The following ZNF704 variants were observed in gnomAD, a reference collection of about 807,000 sequenced individuals.
ZNF704 encodes glucocorticoid induced gene 1.
Under a neutral mutation model 44.7 loss-of-function variants are expected in ZNF704, and 10 were observed. The ratio of observed to expected loss-of-function variants is 0.22; its 90% CI spans 0.14 to 0.38. ZNF704 has a LOEUF of 0.38. ZNF704 is among the 10% of genes least tolerant of loss of function. The pLI, the probability that ZNF704 is intolerant of heterozygous loss-of-function variation, is 1.00. For synonymous variants in ZNF704, 211 were observed against 207.6 expected, an observed-to-expected ratio of 1.02 and a Z score of -0.14; for missense variants, 390 against 545.5, an observed-to-expected ratio of 0.71 and a Z score of 2.84.
Position 80,773,630 on chromosome 8 carries a change from C to T in ZNF704, c.221+47744G>A, listed in dbSNP as rs149266110. On this transcript the variant is annotated intron_variant, in intron 2 of 8. Coordinates refer to ENST00000327835, the MANE Select transcript of ZNF704 (RefSeq NM_001033723.3). ...GGTAGGTCTGATGGTGACAAATTCT[C>T]TTAGTTTTCCTTCATCTGAGAATGT... 1.5e-4 allele frequency among the ~76,000 whole-genome samples: 23 copies of T among 152,310 alleles called. No individual in the cohort carries two copies. The East Asian group carries it at 4.4e-3, about 29-fold the overall frequency.
intron 1 of ZNF704, among the ~76,000 whole-genome samples, chr8:80,852,646 C>T (rs1420267678): frequency 9.9e-5 from 15 of 152,176 alleles, no homozygotes; most frequent in Non-Finnish European, 2.9e-5. Context: ...CAGTTTCACG[C>T]TTGCTGCTCG....
intron 2 of ZNF704, among the ~76,000 whole-genome samples, chr8:80,787,973 C>T (rs977602173): frequency 2.6e-5 from 4 of 152,094 alleles, no homozygotes; most frequent in East Asian, 1.9e-4. Context: ...ATGATTTAGC[C>T]GGTTCCTACT....
chr8:80,723,604 T>A (rs1338323850), intron 2 of ZNF704, among the ~76,000 whole-genome samples: 1 of 152,238 alleles, frequency 6.6e-6, no homozygotes, highest in African/African-American at 2.4e-5. Flanking sequence ...GAATCAAATC[T>A]CTATGGTATT....
intron 1 of ZNF704, among the ~76,000 whole-genome samples, chr8:80,830,126 C>G (rs1808444761): frequency 6.6e-6 from 1 of 151,978 alleles, no homozygotes; most frequent in Admixed American, 6.6e-5. Flanking sequence ...GAGTAGAAAG[C>G]ATATATAACG....
At chr8:80,727,271 AC>A (rs1360188289) in intron 2 of ZNF704, among the ~76,000 whole-genome samples, 3 of 152,184 alleles carry the variant, frequency 2.0e-5, no homozygotes, top group Non-Finnish European at 2.9e-5. Context: ...GGCCAGACTT[AC>A]GATCGGCTCA....
chr8:80,644,020 CAG>C (rs1817788024), intron 7 of ZNF704, among the ~76,000 whole-genome samples: 1 of 152,288 alleles, frequency 6.6e-6, no homozygotes, highest in Non-Finnish European at 1.5e-5. Flanking sequence ...AGGCAAGAGG[CAG>C]AGAGTCTGAG....
At chr8:80,833,192 G>GA (rs1251272476) in intron 1 of ZNF704, among the ~76,000 whole-genome samples, 2 of 152,082 alleles carry the variant, frequency 1.3e-5, no homozygotes, top group East Asian at 3.9e-4. Flanking sequence ...CTAAAAATAC[G>GA]AAAACAAATT....
chr8:80,860,958 G>A (rs1177928426), intron 1 of ZNF704, among the ~76,000 whole-genome samples: 3 of 150,416 alleles, frequency 2.0e-5, no homozygotes, highest in Admixed American at 2.0e-4. Context: ...GATGGGTGGT[G>A]GGGGGGCAGG....
At chr8:80,809,945 T>G (rs966163370) in intron 2 of ZNF704, among the ~76,000 whole-genome samples, 16 of 152,134 alleles carry the variant, frequency 1.1e-4, no homozygotes, top group Admixed American at 8.5e-4. Context: ...AAGCCAGCAT[T>G]TGTGACACCA....
intron 2 of ZNF704, among the ~76,000 whole-genome samples, chr8:80,712,006 T>G (rs1365557969): frequency 6.6e-6 from 1 of 152,218 alleles, no homozygotes; most frequent in Non-Finnish European, 1.5e-5. Flanking sequence ...CTGCTATGGT[T>G]TGAATTTGCT....
chr8:80,722,354 T>C (rs981678488), intron 2 of ZNF704, among the ~76,000 whole-genome samples: 3 of 152,236 alleles, frequency 2.0e-5, no homozygotes, highest in Admixed American at 6.5e-5. Context: ...GTACCTCAAT[T>C]TCCTCATCTG....
At chr8:80,686,675 G>A (rs1818543874) in intron 4 of ZNF704, among the ~76,000 whole-genome samples, 1 of 152,008 alleles carries the variant, frequency 6.6e-6, no homozygotes, top group Admixed American at 6.6e-5. Flanking sequence ...CTACAGGTGT[G>A]AGCCACTGTG....
intron 7 of ZNF704, among the ~76,000 whole-genome samples, chr8:80,654,857 G>C (rs1032428314): frequency 1.4e-4 from 22 of 152,078 alleles, no homozygotes; most frequent in African/African-American, 3.4e-4. Flanking sequence ...ACCCAAAGGA[G>C]TATAAATCAT....
intron 2 of ZNF704, among the ~76,000 whole-genome samples, chr8:80,784,548 T>G (rs919739071): frequency 2.0e-5 from 3 of 152,238 alleles, no homozygotes; most frequent in African/African-American, 7.2e-5. Context: ...TTATTTGCCA[T>G]CTGCGTGTCT....
chr8:80,691,844 G>A (rs1044631006), intron 3 of ZNF704, among the ~76,000 whole-genome samples: 1 of 151,880 alleles, frequency 6.6e-6, no homozygotes, highest in African/African-American at 2.4e-5. Flanking sequence ...CTCTTCCTGT[G>A]CGTCTGTCAC....
At chr8:80,651,316 A>C (rs537453503) in intron 7 of ZNF704, among the ~76,000 whole-genome samples, 1 of 152,354 alleles carries the variant, frequency 6.6e-6, no homozygotes, top group Non-Finnish European at 1.5e-5. Context: ...ACACATAACA[A>C]TATTAACCTC....
At chr8:80,654,754 T>A (rs552810288) in intron 7 of ZNF704, among the ~76,000 whole-genome samples, 1 of 152,186 alleles carries the variant, frequency 6.6e-6, no homozygotes, top group East Asian at 1.9e-4. Flanking sequence ...GACTGTAAAC[T>A]AGTTCAACCA....
At chr8:80,692,923 G>C (rs1818664059) in intron 3 of ZNF704, 81 bp downstream of exon 3, 10 of 1,279,322 alleles carry the variant, frequency 7.8e-6, no homozygotes, top group South Asian at 5.0e-5. Flanking sequence ...CATAGCGCTT[G>C]ACAGGAATGA....
chr8:80,823,659 G>A (rs1328165869), intron 1 of ZNF704, among the ~76,000 whole-genome samples: 1 of 152,174 alleles, frequency 6.6e-6, no homozygotes, highest in Non-Finnish European at 1.5e-5. Context: ...GCCTAACTGG[G>A]AGGTACCTCC....
Sources: gnomAD v4.1 joint callset for allele counts (sites outside exome capture counted in the v4.1 genomes callset) on GRCh38, gnomAD v4.1.1 for gene constraint, MANE v1.5 for transcripts, NCBI Gene and HGNC (gene_info 2026-07-23, HGNC 2026-07-21) for gene names.